The following PTPRN variants were observed in gnomAD, a reference collection of about 807,000 sequenced individuals.
PTPRN encodes the protein receptor-type tyrosine-protein phosphatase-like N.
PTPRN carries 70 observed loss-of-function variants against 108.5 expected under a neutral mutation model. The ratio of observed to expected loss-of-function variants is 0.65; its 90% CI spans 0.53 to 0.79. The LOEUF is 0.79. Ranked by LOEUF, PTPRN falls within the 30% of genes least tolerant of loss-of-function variation. PTPRN has a pLI of 0.00. For synonymous variants in PTPRN, 496 were observed against 524.6 expected, an observed-to-expected ratio of 0.95 and a Z score of 0.75; for missense variants, 1,136 against 1,295.5, an observed-to-expected ratio of 0.88 and a Z score of 1.89.
Position 219,290,511 on chromosome 2 carries a change from G to A in PTPRN, c.2868+27C>T, listed in dbSNP as rs1307919597. On this transcript the variant is annotated intron_variant, in intron 22 of 22. Transcript: ENST00000295718. The surrounding 1 kb of genome is among the most constrained non-coding windows in gnomAD (Gnocchi z 4.2). Reference sequence around the variant, plus strand: ...TGGGTGCTAGGGAAGGGTGGGAGCTGGGGTTGGGGCAGGAAGGCATGGTCA... The same window carrying A: ...TGGGTGCTAGGGAAGGGTGGGAGCTAGGGTTGGGGCAGGAAGGCATGGTCA... 6.5e-7 allele frequency: 1 copy of A among 1,545,016 alleles called. No individual in the cohort carries two copies. The highest frequency in any genetic ancestry group is 8.8e-7 in the Non-Finnish European group (1 of 1,141,408).
chr2:219,303,931 T>G, intron 3 of PTPRN, 100 bp from the exon 4 acceptor site: 1 of 882,284 alleles, frequency 1.1e-6, no homozygotes, highest in Non-Finnish European at 1.7e-6. Flanking sequence ...CTGCAGCTCA[T>G]GGGGTTTGTC....
rs1297174495 is a variant in PTPRN at position 219,309,303 on chromosome 2, G to A, written c.30C>T (p.Leu10=). ...GCAGCCGGAGACCCCCGGATCCCCCGAGACCCCCAGGCCGCCGCGGGCGCC... is the reference window on the plus strand; with the variant it reads ...GCAGCCGGAGACCCCCGGATCCCCCAAGACCCCCAGGCCGCCGCGGGCGCC... MRRPRRPGG[L]GGSGGLRLLL... Residue 10 remains leucine (L), a synonymous_variant, in exon 1 of 23, where the codon CTC becomes CTT. Transcript: ENST00000295718. 1.3e-6 allele frequency: 2 copies of A among 1,487,110 alleles called. No homozygotes were observed. Among genetic ancestry groups the A allele is most frequent in the African/African-American group, 1.4e-5 (1 of 69,418 alleles). 92.1% of individuals were successfully genotyped at this position (1,487,110 alleles called of 1,614,324 possible).
chr2:219,303,642 G>A, intron 4 of PTPRN, 93 bp downstream of exon 4: 1 of 1,216,924 alleles, frequency 8.2e-7, no homozygotes, highest in Non-Finnish European at 1.2e-6. Flanking sequence ...GCTGGCCTTG[G>A]TGCCCACTTC....
chr2:219,301,857 C>T, intron 6 of PTPRN, 138 bp from the exon 7 acceptor site: 1 of 1,175,738 alleles, frequency 8.5e-7, no homozygotes, highest in East Asian at 2.6e-5. Context: ...GATGCCCTCC[C>T]TTTCCCAGCC....
chr2:219,302,942 G>T, intron 4 of PTPRN, 105 bp from the exon 5 acceptor site: 2 of 1,374,598 alleles, frequency 1.5e-6, no homozygotes, highest in Non-Finnish European at 9.9e-7. Flanking sequence ...TTAAGAGCAG[G>T]CCTGACCTCT....
Position 219,296,031 on chromosome 2 carries a change from C to T in PTPRN, c.2508+195G>A, listed in dbSNP as rs1252162674. The stretch of plus-strand genomic sequence containing the variant: ...GTATGTTCTGTAAACAGGACACACA[C>T]ATGTATATATGTGAATATATGGGTA... On this transcript the variant is annotated intron_variant, in intron 18 of 22. Coordinates refer to ENST00000295718, the MANE Select transcript of PTPRN (RefSeq NM_002846.4). The surrounding 1 kb of genome is among the most constrained non-coding windows in gnomAD (Gnocchi z 6.0). 7.0e-6 allele frequency: 5 copies of T among 715,780 alleles called. No individual in the cohort carries two copies. The highest frequency in any genetic ancestry group is 3.8e-5 in the South Asian group (2 of 53,184). 44.3% of individuals were successfully genotyped at this position (715,780 alleles called of 1,614,324 possible). A position where few individuals can be genotyped will look rare whatever the true frequency, so the allele number is the denominator to read the frequency against.
At chr2:219,295,371 T>C (rs997867148) in intron 18 of PTPRN, 5 of 515,082 alleles carry the variant, frequency 9.7e-6, no homozygotes, top group East Asian at 3.6e-5. Flanking sequence ...CCTCTCGAGG[T>C]CGGAGTTTCT....
intron 7 of PTPRN, 66 bp downstream of exon 7, chr2:219,301,522 G>C: frequency 6.5e-7 from 1 of 1,550,112 alleles, no homozygotes; most frequent in Non-Finnish European, 8.8e-7. Flanking sequence ...AAGTGGTCTC[G>C]AGGCAGGGCA....
chr2:219,301,228 G>A (rs960741664), intron 7 of PTPRN, among the ~76,000 whole-genome samples: 1 of 152,122 alleles, frequency 6.6e-6, no homozygotes, highest in African/African-American at 2.4e-5. Flanking sequence ...GCTATTCTTT[G>A]TTCAGTTATT....
At position 219,295,100 on chromosome 2, in the gene PTPRN, C is replaced by G; in HGVS notation, c.2550G>C (p.Leu850=). The change falls in exon 19 of 23, where the codon CTG becomes CTC. Residue 850 remains leucine, a synonymous_variant. Transcript: ENST00000295718. The part of the protein sequence containing the change: ...VSEHIWCEDF[L]VRSFYLKNVQ... ...CGTTCTTCAGGTAGAAGCTCCGCAC[C>G]AGAAAGTCCTCGCACCAGATGTGCT... 1 of 1,613,114 alleles carries G rather than the reference C, an allele frequency of 6.2e-7. No individual in the cohort carries two copies. The highest frequency in any genetic ancestry group is 8.5e-7 in the Non-Finnish European group (1 of 1,179,470).
Position 219,296,903 on chromosome 2 carries a change from A to G in PTPRN, c.2237-81T>C. The G allele has an allele frequency of 6.2e-7, 1 of 1,612,594 alleles. No individual in the cohort carries two copies. Among genetic ancestry groups the G allele is most frequent in the Non-Finnish European group, 8.5e-7 (1 of 1,178,982 alleles). ...ACCTCTGCCACTCAGCCTGAGCCAG[A>G]AGCCCAACCCCTTACCCCAAGCCCT... On this transcript the variant is annotated intron_variant, in intron 15 of 22. Coordinates refer to ENST00000295718, the MANE Select transcript of PTPRN (RefSeq NM_002846.4). This position sits in a 1 kb window ranked among gnomAD's most constrained non-coding sequence, Gnocchi z 6.0.
chr2:219,289,894 G>A lies in PTPRN; in HGVS notation c.*332C>T. On this transcript the variant is annotated 3_prime_UTR_variant, in exon 23 of 23. Coordinates refer to ENST00000295718, the MANE Select transcript of PTPRN (RefSeq NM_002846.4). ...ATAGGGGGACACACACAGATGTTCA[G>A]GGAACTCCCAGAACCCCAGGAGAGC... 3.3e-6 allele frequency: 1 copy of A among 304,940 alleles called. No homozygotes were observed. Among genetic ancestry groups the A allele is most frequent in the South Asian group, 4.2e-5 (1 of 23,862 alleles). The allele number at this position is 304,940 out of a possible 1,614,324, so 18.9% of individuals were successfully genotyped here.
Position 219,302,454 on chromosome 2 carries a change from G to T in PTPRN, c.677C>A (p.Ser226Tyr). 2 of 1,614,132 alleles carry T rather than the reference G, an allele frequency of 1.2e-6. No individual in the cohort carries two copies. The highest frequency in any genetic ancestry group is 1.7e-6 in the Non-Finnish European group (2 of 1,179,970). The change falls in exon 6 of 23, where the codon TCC becomes TAC. Residue 226 changes from serine to tyrosine, a missense_variant. Coordinates refer to ENST00000295718, the MANE Select transcript of PTPRN (RefSeq NM_002846.4). ...GGGGCCGACACTGACCATCCCTGGG[G>T]AGCCCTCTGAGACCCTGGAGCCATC... ...SRDGSRVSEGSPGMVSVGPLP... is the reference protein window; with the variant it reads ...SRDGSRVSEGYPGMVSVGPLP...
intron 3 of PTPRN, among the ~76,000 whole-genome samples, chr2:219,306,284 C>T (rs1340235338): frequency 2.6e-5 from 4 of 152,238 alleles, no homozygotes; most frequent in Non-Finnish European, 5.9e-5. Flanking sequence ...TCTCATCCTT[C>T]ATTCCTTCCC....
At chr2:219,300,863 C>A in intron 8 of PTPRN, 80 bp downstream of exon 8, 3 of 1,498,190 alleles carry the variant, frequency 2.0e-6, no homozygotes, top group Non-Finnish European at 2.8e-6. Context: ...GATTCTAGGT[C>A]CTGAATTTGA....
At position 219,307,854 on chromosome 2, in the gene PTPRN, A is replaced by C. The variant is rs7591986; in HGVS notation, c.116-12T>G. 0.13 allele frequency: 212,207 copies of C among 1,612,870 alleles called. 17,373 individuals carry two copies. The highest frequency in any genetic ancestry group is 0.4 in the African/African-American group (29,819 of 74,902). On this transcript the variant is annotated splice_polypyrimidine_tract_variant and intron_variant, in intron 1 of 22. Transcript: ENST00000295718. Reference sequence around the variant, plus strand: ...GTCAAATAGACAGCCTGTAGAGGAAAAGGTGAGCAGAGGCTCAGACACCCA... The same window carrying C: ...GTCAAATAGACAGCCTGTAGAGGAACAGGTGAGCAGAGGCTCAGACACCCA...
intron 19 of PTPRN, among the ~76,000 whole-genome samples, chr2:219,293,152 C>G (rs1460561257): frequency 5.6e-5 from 8 of 142,794 alleles, no homozygotes; most frequent in African/African-American, 2.1e-4. Context: ...TCTAGGGGGG[C>G]TTGACCAAAC....
Position 219,290,346 on chromosome 2 carries a change from T to G in PTPRN, c.2869-49A>C. On this transcript the variant is annotated intron_variant, in intron 22 of 22. Transcript: ENST00000295718. This position sits in a 1 kb window ranked among gnomAD's most constrained non-coding sequence, Gnocchi z 4.2. ...GGTCATGGAGAGGGCTGACCTGTGC[T>G]CTGCCCTCAAGATGGGGGGCTTTTG... 1 of 1,169,602 alleles carries G rather than the reference T, an allele frequency of 8.5e-7. No homozygotes were observed. The allele number at this position is 1,169,602 out of a possible 1,614,324, so 72.5% of individuals were successfully genotyped here. A position where few individuals can be genotyped will look rare whatever the true frequency, so the allele number is the denominator to read the frequency against.
At chr2:219,306,151 AAACAACAAC>A (rs374948333) in intron 3 of PTPRN, among the ~76,000 whole-genome samples, 2 of 152,112 alleles carry the variant, frequency 1.3e-5, no homozygotes, top group Admixed American at 1.3e-4. Context: ...ACTCTGTCTC[AAACAACAAC>A]AACAACAATC....
Sources: gnomAD v4.1 joint callset for allele counts (sites outside exome capture counted in the v4.1 genomes callset) on GRCh38, gnomAD v4.1.1 for gene constraint, Gnocchi (gnomAD v3.1) non-coding constraint, MANE v1.5 for transcripts, NCBI Gene and HGNC (gene_info 2026-07-23, HGNC 2026-07-21) for gene names.